The following DOCK3 variants were observed in gnomAD, a reference collection of about 807,000 sequenced individuals.
DOCK3 encodes the protein dedicator of cytokinesis protein 3.
DOCK3 carries 60 observed loss-of-function variants against 265.6 expected under a neutral mutation model. The ratio of observed to expected loss-of-function variants is 0.23; its 90% CI spans 0.18 to 0.28. The LOEUF (loss-of-function observed/expected upper bound fraction) is 0.28, where lower values mean the gene tolerates loss of function less well. Among genes scored for constraint, DOCK3 ranks in the 10% least tolerant of loss-of-function variants. The pLI, the probability that DOCK3 is intolerant of heterozygous loss-of-function variation, is 1.00. For missense variants in DOCK3, 1,981 were observed against 2,594.3 expected, an observed-to-expected ratio of 0.76 and a Z score of 5.14; for synonymous variants, 881 against 938.0, an observed-to-expected ratio of 0.94 and a Z score of 1.11.
At chr3:51,068,988 G>A (rs1358212339) in intron 6 of DOCK3, among the ~76,000 whole-genome samples, 1 of 152,030 alleles carries the variant, frequency 6.6e-6, no homozygotes, top group African/African-American at 2.4e-5. Context: ...CCTGAGATTA[G>A]GAATTATTTA....
At chr3:50,792,752 G>A (rs1265804681) in intron 2 of DOCK3, among the ~76,000 whole-genome samples, 2 of 152,176 alleles carry the variant, frequency 1.3e-5, no homozygotes, top group African/African-American at 2.4e-5. Context: ...ATTTGCATAC[G>A]TTAGAGCAAT....
At chr3:50,743,217 C>T (rs982250969) in intron 1 of DOCK3, among the ~76,000 whole-genome samples, 17 of 151,340 alleles carry the variant, frequency 1.1e-4, no homozygotes, top group South Asian at 8.4e-4. Flanking sequence ...AAGGAACAAC[C>T]GGTACCAGCC....
intron 3 of DOCK3, among the ~76,000 whole-genome samples, chr3:50,846,358 G>A (rs950897873): frequency 6.6e-6 from 1 of 152,172 alleles, no homozygotes; most frequent in Non-Finnish European, 1.5e-5. Context: ...AAAAGGTGTT[G>A]GGGCAACAGT....
In DOCK3 at chr3:50,721,588, A is replaced by G. The variant is rs146648877; in HGVS notation, c.37+46288A>G. On this transcript the variant is annotated intron_variant, in intron 1 of 52. Coordinates refer to ENST00000266037, the MANE Select transcript of DOCK3 (RefSeq NM_004947.5). ...CCAGTATCATGCTCTTTTGGTTTCT[A>G]TAGCCTTGTAGTATAGTTTGAAGGT... Among the ~76,000 whole-genome samples the G allele has an allele frequency of 7.3e-3, 1,116 of 152,030 alleles. 7 individuals are homozygous for G. The highest frequency in any genetic ancestry group is 0.01 in the African/African-American group (431 of 41,496).
chr3:51,362,734 C>G, intron 49 of DOCK3, 60 bp downstream of exon 49: 1 of 1,575,480 alleles, frequency 6.3e-7, no homozygotes, highest in South Asian at 1.2e-5. Flanking sequence ...CAACGCCACT[C>G]GGCTTCCTCT....
intron 4 of DOCK3, 33 bp downstream of exon 4, chr3:50,890,114 A>G (rs1462622849): frequency 3.6e-6 from 5 of 1,389,666 alleles, no homozygotes; most frequent in Non-Finnish European, 4.7e-6. Flanking sequence ...TTTATGTACA[A>G]TTTTTATAGG....
At chr3:50,818,006 G>A (rs925443270) in intron 2 of DOCK3, among the ~76,000 whole-genome samples, 21 of 152,288 alleles carry the variant, frequency 1.4e-4, no homozygotes, top group Admixed American at 1.2e-3. Context: ...AGCCTCTGCC[G>A]TTGTCCTGGC....
chr3:51,062,914 T>C (rs1409244835), intron 5 of DOCK3, among the ~76,000 whole-genome samples: 1 of 152,266 alleles, frequency 6.6e-6, no homozygotes, highest in Non-Finnish European at 1.5e-5. Flanking sequence ...GCTTGGGCTT[T>C]GCTGGTTTTT....
intron 9 of DOCK3, among the ~76,000 whole-genome samples, chr3:51,140,988 C>A (rs776846294): frequency 2.0e-5 from 3 of 151,916 alleles, no homozygotes; most frequent in Admixed American, 1.3e-4. Flanking sequence ...AGGTACAAGT[C>A]CCTTATCTGT....
At chr3:51,242,391 T>C (rs977920951) in intron 21 of DOCK3, among the ~76,000 whole-genome samples, 4 of 152,176 alleles carry the variant, frequency 2.6e-5, no homozygotes, top group African/African-American at 7.2e-5. Context: ...GCTGGATCTA[T>C]CCCTGTTCAC....
At chr3:50,788,586 C>T (rs1029701923) in intron 2 of DOCK3, among the ~76,000 whole-genome samples, 1 of 152,214 alleles carries the variant, frequency 6.6e-6, no homozygotes, top group African/African-American at 2.4e-5. Flanking sequence ...GCAGTCCTTC[C>T]CTGCAGTGGG....
In DOCK3 at chr3:51,357,105, T is replaced by G; in HGVS notation, c.4647T>G (p.Asp1549Glu). ...LLSMCLNGVIDAAVNGGIARY... is the reference protein window; with the variant it reads ...LLSMCLNGVIEAAVNGGIARY... ...GCATGTGCCTGAATGGTGTCATTGATGCAGCTGTCAATGGAGGCATTGCAC... is the reference window on the plus strand; with the variant it reads ...GCATGTGCCTGAATGGTGTCATTGAGGCAGCTGTCAATGGAGGCATTGCAC... Residue 1549 changes from aspartate (D) to glutamate (E), a missense_variant, in exon 44 of 53, where the codon GAT becomes GAG. Asp to Glu is a conservative substitution (Grantham distance 45, BLOSUM62 2). Transcript: ENST00000266037. 6.2e-7 allele frequency: 1 copy of G among 1,612,706 alleles called. No homozygotes were observed. Among genetic ancestry groups the G allele is most frequent in the Non-Finnish European group, 8.5e-7 (1 of 1,179,872 alleles).
intron 22 of DOCK3, among the ~76,000 whole-genome samples, chr3:51,257,864 C>T (rs2079636031): frequency 6.6e-6 from 1 of 152,192 alleles, no homozygotes; most frequent in Admixed American, 6.5e-5. Flanking sequence ...CTCTCCTTCC[C>T]CAGTTGAATC....
chr3:50,779,765 A>G (rs1468310570), intron 2 of DOCK3, among the ~76,000 whole-genome samples: 1 of 152,240 alleles, frequency 6.6e-6, no homozygotes, highest in Non-Finnish European at 1.5e-5. Context: ...ACATTTACAC[A>G]TTCTTGAGAT....
intron 32 of DOCK3, among the ~76,000 whole-genome samples, chr3:51,320,732 C>T (rs769830711): frequency 5.9e-5 from 9 of 152,290 alleles, no homozygotes; most frequent in Non-Finnish European, 1.3e-4. Context: ...GGGTGGAGCC[C>T]ACCGCAGCTC....
chr3:50,895,747 T>C (rs897429807), intron 4 of DOCK3, among the ~76,000 whole-genome samples: 1 of 152,146 alleles, frequency 6.6e-6, no homozygotes, highest in Non-Finnish European at 1.5e-5. Context: ...CTCCCACTTA[T>C]GAGTGAGAAC....
intron 5 of DOCK3, among the ~76,000 whole-genome samples, chr3:51,048,906 A>G (rs570580008): frequency 6.6e-6 from 1 of 152,228 alleles, no homozygotes; most frequent in South Asian, 2.1e-4. Flanking sequence ...ACAATGGAAA[A>G]TAATGTGTTC....
intron 2 of DOCK3, chr3:50,786,863 C>T: frequency 9.5e-6 from 7 of 740,668 alleles, no homozygotes; most frequent in South Asian, 8.2e-5. Flanking sequence ...GTTCTCGCAT[C>T]TGAAGGACTT....
chr3:51,151,248 G>A (rs1417961792), intron 10 of DOCK3, among the ~76,000 whole-genome samples: 1 of 151,970 alleles, frequency 6.6e-6, no homozygotes, highest in African/African-American at 2.4e-5. Flanking sequence ...ACAATGATGG[G>A]TCTTGACTCT....
Sources: allele counts gnomAD v4.1 joint callset (sites outside exome capture counted in the v4.1 genomes callset), GRCh38; gene constraint gnomAD v4.1.1; transcripts MANE v1.5; gene names NCBI Gene and HGNC (gene_info 2026-07-23, HGNC 2026-07-21).